The following VSIG10 variants were observed in gnomAD, a reference collection of about 807,000 sequenced individuals.
VSIG10 encodes V-set and immunoglobulin domain-containing protein 10.
In VSIG10, 48 loss-of-function variants were observed where a neutral mutation model predicts 58.7. The observed-to-expected ratio is 0.82, with a 90% confidence interval of 0.65 to 1.04. VSIG10 has a LOEUF of 1.04. Ranked by LOEUF, VSIG10 falls within the 50% of genes least tolerant of loss-of-function variation. The pLI is 0.00. For missense variants in VSIG10, 628 were observed against 670.0 expected, an observed-to-expected ratio of 0.94 and a Z score of 0.69; for synonymous variants, 260 against 267.1, an observed-to-expected ratio of 0.97 and a Z score of 0.26.
chr12:118,095,180 G>C (rs1315063777), intron 2 of VSIG10, among the ~76,000 whole-genome samples: 1 of 152,120 alleles, frequency 6.6e-6, no homozygotes, highest in African/African-American at 2.4e-5. Context: ...TGGGATTACA[G>C]GCGTAAGCCA....
chr12:118,099,998 C>T (rs1222998755), intron 1 of VSIG10, among the ~76,000 whole-genome samples: 1 of 152,210 alleles, frequency 6.6e-6, no homozygotes, highest in African/African-American at 2.4e-5. Context: ...AACTAAGCCA[C>T]TTGCTGAAAG....
At chr12:118,075,138 A>G (rs904457974) in intron 4 of VSIG10, among the ~76,000 whole-genome samples, 1 of 137,466 alleles carries the variant, frequency 7.3e-6, no homozygotes, top group African/African-American at 2.8e-5. Context: ...GTATATATGT[A>G]TATATGTGTA....
At chr12:118,069,579 C>T (rs1271513118) in intron 7 of VSIG10, among the ~76,000 whole-genome samples, 4 of 152,048 alleles carry the variant, frequency 2.6e-5, no homozygotes, top group African/African-American at 9.7e-5. Flanking sequence ...GCATGCGCCA[C>T]TACATGCGGC....
rs1364102038 is a variant in VSIG10, at chr12:118,064,935, A to G, written c.*1704T>C. The G allele has an allele frequency of 6.6e-6, 1 of 152,194 alleles. No homozygotes were observed. The highest frequency in any genetic ancestry group is 2.4e-5 in the African/African-American group (1 of 41,438). The allele number at this position is 152,194 out of a possible 1,614,324, so 9.4% of individuals were successfully genotyped here. On this transcript the variant is annotated 3_prime_UTR_variant, in exon 9 of 9. Transcript: ENST00000359236. ...TTAAGCCCTAGGTCCTGCCCACTAG[A>G]GCAGATACGCAACATTAAAGAGTGC...
rs1329074282 is a variant in VSIG10, at chr12:118,071,055, G to C, written c.1343C>G (p.Ser448Cys). ...PVFCWKVGNT[S>C]RGQNMDDVMV... ...TTTGATTCTAGGGAACACTCACCTG[G>C]AAGTGTTTCCTACTGAAGAGAGAAA... is the stretch of plus-strand genomic sequence containing the variant. Residue 448 changes from serine (S) to cysteine (C), a missense_variant, in exon 7 of 9, where the codon TCC becomes TGC. Transcript: ENST00000359236. The C allele has an allele frequency of 1.9e-6, 3 of 1,601,080 alleles. No homozygotes were observed. The African/African-American group carries it at 4.0e-5, about 21-fold the overall frequency.
At chr12:118,088,385 A>G (rs943673166) in intron 2 of VSIG10, among the ~76,000 whole-genome samples, 2 of 152,192 alleles carry the variant, frequency 1.3e-5, no homozygotes, top group African/African-American at 4.8e-5. Flanking sequence ...TATCTCATTA[A>G]TGCATAACAC....
chr12:118,094,222 A>G (rs1247432085), intron 2 of VSIG10, among the ~76,000 whole-genome samples: 1 of 151,740 alleles, frequency 6.6e-6, no homozygotes, highest in Admixed American at 6.6e-5. Flanking sequence ...AATCCTGAGT[A>G]GCTGGGACTA....
At chr12:118,074,135 T>G in intron 4 of VSIG10, 143 bp from the exon 5 acceptor site, 1 of 973,062 alleles carries the variant, frequency 1.0e-6, no homozygotes, top group Non-Finnish European at 1.4e-6. Flanking sequence ...CAGGCTGGAG[T>G]GCAGTGGTGC....
intron 4 of VSIG10, among the ~76,000 whole-genome samples, chr12:118,076,416 GT>G (rs1326733860): frequency 2.0e-5 from 3 of 147,672 alleles, no homozygotes; most frequent in African/African-American, 7.5e-5. Context: ...TAGTGTTTGT[GT>G]GAAATACATT....
chr12:118,078,459 A>G (rs1175911304), intron 4 of VSIG10, among the ~76,000 whole-genome samples: 1 of 151,868 alleles, frequency 6.6e-6, no homozygotes. Flanking sequence ...ACGCCCAGCC[A>G]CTGCTGGTTG....
intron 4 of VSIG10, 136 bp from the exon 5 acceptor site, chr12:118,074,128 G>T: frequency 9.4e-7 from 1 of 1,061,290 alleles, no homozygotes; most frequent in Non-Finnish European, 1.3e-6. Context: ...TGTTGCCCAG[G>T]CTGGAGTGCA....
chr12:118,078,627 C>T lies in VSIG10; in HGVS notation c.925+719G>A, dbSNP rs1293744011. 2.0e-5 allele frequency among the ~76,000 whole-genome samples: 3 copies of T among 152,174 alleles called. No homozygotes were observed. In the East Asian group the frequency reaches 5.8e-4, roughly 29 times the overall value. ...TGCTGGTGCCATGTTTCTTGCACAG[C>T]CTACGGAACTATGAGCAAATAAAGT... On this transcript the variant is annotated intron_variant, in intron 4 of 8. Coordinates refer to ENST00000359236, the MANE Select transcript of VSIG10 (RefSeq NM_019086.6).
At chr12:118,102,840 ACACAGTAGGCATG>A (rs1004166478) in intron 1 of VSIG10, 2 of 152,326 alleles carry the variant, frequency 1.3e-5, no homozygotes, top group African/African-American at 2.4e-5. Context: ...CACTCCCAGC[ACACAGTAGGCATG>A]CACAGTAGGC....
At chr12:118,101,539 G>A (rs939492056) in intron 1 of VSIG10, 1 of 152,134 alleles carries the variant, frequency 6.6e-6, no homozygotes, top group Non-Finnish European at 1.5e-5. Flanking sequence ...GTACAATAGA[G>A]AACCGAAGAG....
Position 118,095,662 on chromosome 12 carries a change from G to A in VSIG10, c.232C>T (p.Pro78Ser). ...SSNSSLRPAE[P>S]RFSLVDATSL... is the part of the protein sequence containing the mutation. ...GTGGCATCCACTAGAGAGAAGCGAG[G>A]CTCAGCTGGCCGGAGGCTAGAGTTG... The change falls in exon 2 of 9, where the codon CCT becomes TCT. Residue 78 changes from proline to serine, a missense_variant. Coordinates refer to ENST00000359236, the MANE Select transcript of VSIG10 (RefSeq NM_019086.6). 1 of 1,613,962 alleles carries A rather than the reference G, an allele frequency of 6.2e-7. No individual in the cohort carries two copies. The highest frequency in any genetic ancestry group is 8.5e-7 in the Non-Finnish European group (1 of 1,179,890).
intron 5 of VSIG10, among the ~76,000 whole-genome samples, chr12:118,072,503 A>G (rs1479040444): frequency 3.3e-5 from 5 of 150,578 alleles, no homozygotes; most frequent in African/African-American, 1.2e-4. Context: ...GAGGGGAGGG[A>G]AAGAAAAGAA....
intron 4 of VSIG10, among the ~76,000 whole-genome samples, chr12:118,077,027 TCTTAA>T (rs1391163287): frequency 6.6e-6 from 1 of 152,176 alleles, no homozygotes; most frequent in Non-Finnish European, 1.5e-5. Flanking sequence ...TATGACCTTA[TCTTAA>T]CTTGATTCCA....
At chr12:118,073,496 T>C (rs2032583243) in intron 5 of VSIG10, among the ~76,000 whole-genome samples, 1 of 152,190 alleles carries the variant, frequency 6.6e-6, no homozygotes, top group African/African-American at 2.4e-5. Context: ...TATTATGTAA[T>C]TTTTGCTACC....
At chr12:118,085,418 C>T (rs2033092368) in intron 2 of VSIG10, among the ~76,000 whole-genome samples, 1 of 152,244 alleles carries the variant, frequency 6.6e-6, no homozygotes, top group Admixed American at 6.5e-5. Context: ...GTTCCCCAAA[C>T]ACTTGTTTGG....
Sources: allele counts gnomAD v4.1 joint callset (sites outside exome capture counted in the v4.1 genomes callset), GRCh38; gene constraint gnomAD v4.1.1; transcripts MANE v1.5; gene names NCBI Gene and HGNC (gene_info 2026-07-23, HGNC 2026-07-21).